CFTR: variants seen among roughly 807,000 people sequenced by gnomAD.
CFTR encodes the protein cystic fibrosis transmembrane conductance regulator.
In CFTR, 181 loss-of-function variants were observed where a neutral mutation model predicts 171.6. That is an observed-to-expected ratio of 1.05 (90% CI 0.93 to 1.19). The LOEUF (loss-of-function observed/expected upper bound fraction) is 1.19. CFTR is among the 50% of genes most tolerant of loss of function. The pLI is 0.00. For synonymous variants in CFTR, 583 were observed against 608.0 expected (o/e 0.96, Z 0.60); for missense variants, 1,968 against 1,734.7 (o/e 1.13, Z -2.39).
At chr7:117,628,621 A>G (rs927787322) in intron 22 of CFTR, among the ~76,000 whole-genome samples, 1 of 152,164 alleles carries the variant, frequency 6.6e-6, no homozygotes, top group African/African-American at 2.4e-5. Flanking sequence ...GTTAGTAAAG[A>G]TGTTAGGTCA....
At chr7:117,512,499 T>C (rs1798534353) in intron 3 of CFTR, among the ~76,000 whole-genome samples, 3 of 151,912 alleles carry the variant, frequency 2.0e-5, no homozygotes, top group Admixed American at 2.0e-4. Context: ...GGTGGCGTGG[T>C]GGCGGGCACC....
chr7:117,658,259 T>C (rs1793212926), intron 24 of CFTR, among the ~76,000 whole-genome samples: 1 of 152,188 alleles, frequency 6.6e-6, no homozygotes, highest in African/African-American at 2.4e-5. Flanking sequence ...AAAAGACTTC[T>C]GGCATTGTGG....
chr7:117,596,729 TC>T (rs1444948154), intron 15 of CFTR, among the ~76,000 whole-genome samples: 3 of 152,008 alleles, frequency 2.0e-5, no homozygotes, highest in Non-Finnish European at 4.4e-5. Flanking sequence ...GCACTCTGTA[TC>T]TAGTTAATCT....
At position 117,624,504 on chromosome 7, in the gene CFTR, T is replaced by G. The variant is rs186477766; in HGVS notation, c.3469-3018T>G. 2.0e-5 allele frequency among the ~76,000 whole-genome samples: 3 copies of G among 152,328 alleles called. No individual in the cohort carries two copies. In the East Asian group the frequency reaches 5.8e-4, roughly 29 times the overall value. ...TGTTCACTCTACTGCTCCCATGTCA[T>G]GCAAGGCACAGGAAGCTTCACTATG... On this transcript the variant is annotated intron_variant, in intron 21 of 26. Transcript: ENST00000003084.
At chr7:117,579,568 T>C (rs1584806903) in intron 11 of CFTR, among the ~76,000 whole-genome samples, 2 of 151,614 alleles carry the variant, frequency 1.3e-5, no homozygotes, top group South Asian at 4.1e-4. Flanking sequence ...ATTATTTATG[T>C]TATTAGTATT....
chr7:117,656,166 T>A (rs1430200580), intron 24 of CFTR, among the ~76,000 whole-genome samples: 4 of 152,120 alleles, frequency 2.6e-5, no homozygotes, highest in Admixed American at 1.3e-4. Context: ...ATACTGGGAT[T>A]ATTCCCAGTA....
At chr7:117,530,820 A>T in intron 3 of CFTR, 79 bp from the exon 4 acceptor site, 1 of 962,836 alleles carries the variant, frequency 1.0e-6, no homozygotes, top group Non-Finnish European at 1.6e-6. Context: ...CTAAAGATGA[A>T]AAGTCTTGTG....
chr7:117,559,719 T>C (rs945956969), intron 11 of CFTR, 64 bp downstream of exon 11: 10 of 1,113,168 alleles, frequency 9.0e-6, no homozygotes, highest in Non-Finnish European at 1.4e-5. Context: ...CCAAATTATA[T>C]ATTTGGCTCC....
intron 1 of CFTR, among the ~76,000 whole-genome samples, chr7:117,483,522 T>C (rs1798028592): frequency 1.3e-5 from 2 of 150,720 alleles, no homozygotes; most frequent in African/African-American, 4.9e-5. Context: ...GTGTTTTCAT[T>C]AAAAAAAAAT....
chr7:117,610,633 C>A lies in CFTR; in HGVS notation c.3103C>A (p.Gln1035Lys). The change falls in exon 19 of 27, where the codon CAA (glutamine) becomes AAA (lysine). Residue 1035 changes from glutamine to lysine, a missense_variant. Coordinates refer to ENST00000003084, the MANE Select transcript of CFTR (RefSeq NM_000492.4). Reference sequence around the variant, plus strand: ...TATTATGTTGAGAGCATATTTCCTCCAAACCTCACAGCAACTCAAACAACT... The same window carrying A: ...TATTATGTTGAGAGCATATTTCCTCAAAACCTCACAGCAACTCAAACAACT... ...AFIMLRAYFL[Q>K]TSQQLKQLES... 6.2e-7 allele frequency: 1 copy of A among 1,613,522 alleles called. No homozygotes were observed. The highest frequency in any genetic ancestry group is 8.5e-7 in the Non-Finnish European group (1 of 1,179,670).
chr7:117,636,332 T>C (rs1006592785), intron 22 of CFTR, among the ~76,000 whole-genome samples: 1 of 152,180 alleles, frequency 6.6e-6, no homozygotes, highest in African/African-American at 2.4e-5. Context: ...GAACATGATA[T>C]GCCTTTCTTT....
chr7:117,620,632 C>T (rs1314230000), intron 21 of CFTR, among the ~76,000 whole-genome samples: 1 of 152,010 alleles, frequency 6.6e-6, no homozygotes, highest in South Asian at 2.1e-4. Context: ...AATAAGAACC[C>T]TAAGGGATTG....
rs561402337 is a variant in CFTR at position 117,519,346 on chromosome 7, G to A, written c.273+10204G>A. 1.2e-4 allele frequency among the ~76,000 whole-genome samples: 18 copies of A among 152,090 alleles called. 1 individual carries two copies. In the East Asian group the frequency reaches 3.5e-3, roughly 29 times the overall value. On this transcript the variant is annotated intron_variant, in intron 3 of 26. Transcript: ENST00000003084. The stretch of plus-strand genomic sequence containing the variant: ...AATTTGTATGAGCCCAAAAACTATT[G>A]TCAGACTCTGCTGTATCAAAATAGA...
chr7:117,576,137 T>C (rs989373440), intron 11 of CFTR, among the ~76,000 whole-genome samples: 2 of 152,150 alleles, frequency 1.3e-5, no homozygotes, highest in African/African-American at 4.8e-5. Context: ...AAGATAATTT[T>C]TTAGTAGTCC....
intron 25 of CFTR, 109 bp downstream of exon 25, chr7:117,664,969 T>A: frequency 5.2e-6 from 6 of 1,162,986 alleles, no homozygotes; most frequent in Non-Finnish European, 7.7e-6. Context: ...CGTGTGGGGG[T>A]CTCCCCCAAG....
intron 15 of CFTR, among the ~76,000 whole-genome samples, chr7:117,599,302 C>T (rs188024776): frequency 6.6e-6 from 1 of 152,172 alleles, no homozygotes. Flanking sequence ...GTAGTGATTT[C>T]TGTAAATTTA....
In CFTR at chr7:117,667,360, G is replaced by A. The variant is rs1488632180; in HGVS notation, c.*252G>A. On this transcript the variant is annotated 3_prime_UTR_variant, in exon 27 of 27. Transcript: ENST00000003084. Reference sequence around the variant, plus strand: ...TCAAATCCTTGAAGATTTACCACTTGTGTTTTGCAAGCCAGATTTTCCTGA... The same window carrying A: ...TCAAATCCTTGAAGATTTACCACTTATGTTTTGCAAGCCAGATTTTCCTGA... The A allele has an allele frequency of 2.2e-6, 1 of 462,362 alleles. No individual in the cohort carries two copies. The highest frequency in any genetic ancestry group is 4.0e-6 in the Non-Finnish European group (1 of 250,678). 28.6% of individuals were successfully genotyped at this position (462,362 alleles called of 1,614,324 possible). A position where few individuals can be genotyped will look rare whatever the true frequency, so the allele number is the denominator to read the frequency against.
At chr7:117,654,570 TAGTG>T (rs1404639464) in intron 24 of CFTR, among the ~76,000 whole-genome samples, 2 of 152,144 alleles carry the variant, frequency 1.3e-5, no homozygotes, top group Non-Finnish European at 2.9e-5. Flanking sequence ...GTTCATGTGA[TAGTG>T]AGTGAGTTCT....
Position 117,598,541 on chromosome 7 carries a change from T to C in CFTR, c.2619+3483T>C, listed in dbSNP as rs375475640. Among the ~76,000 whole-genome samples, 9 of 152,366 alleles carry C rather than the reference T, an allele frequency of 5.9e-5. No homozygotes were observed. The East Asian group carries it at 1.7e-3, about 29-fold the overall frequency. ...ATCTGATCACTCCACCATGGTCCAGTAACATCTGAATGGTCAAGAAATATC... is the reference window on the plus strand; with the variant it reads ...ATCTGATCACTCCACCATGGTCCAGCAACATCTGAATGGTCAAGAAATATC... On this transcript the variant is annotated intron_variant, in intron 15 of 26. Coordinates refer to ENST00000003084, the MANE Select transcript of CFTR (RefSeq NM_000492.4).
Sources: gnomAD v4.1 joint callset for allele counts (sites outside exome capture counted in the v4.1 genomes callset) on GRCh38, gnomAD v4.1.1 for gene constraint, MANE v1.5 for transcripts, NCBI Gene and HGNC (gene_info 2026-07-23, HGNC 2026-07-21) for gene names.